The following AKAP13 variants were observed in gnomAD, a reference collection of about 807,000 sequenced individuals.
The protein encoded by AKAP13 is A-kinase anchoring protein 13, also known as A-kinase anchor protein 13.
In AKAP13, 80 loss-of-function variants were observed where a neutral mutation model predicts 264.5. The ratio of observed to expected loss-of-function variants is 0.30; its 90% CI spans 0.25 to 0.36. The LOEUF is 0.36. AKAP13 is among the 10% of genes least tolerant of loss of function. The pLI is 1.00. For synonymous variants in AKAP13, 1,380 were observed against 1,250.2 expected, an observed-to-expected ratio of 1.10 and a Z score of -2.19; for missense variants, 3,712 against 3,435.2, an observed-to-expected ratio of 1.08 and a Z score of -2.01.
chr15:85,503,036 A>G (rs996656567), intron 2 of AKAP13, among the ~76,000 whole-genome samples: 2 of 152,154 alleles, frequency 1.3e-5, no homozygotes, highest in Non-Finnish European at 2.9e-5. Context: ...TTGGGAATGG[A>G]TGGGAACATT....
intron 1 of AKAP13, among the ~76,000 whole-genome samples, chr15:85,484,913 T>G (rs2075483547): frequency 6.6e-6 from 1 of 152,168 alleles, no homozygotes; most frequent in African/African-American, 2.4e-5. Context: ...AGAAACTTCC[T>G]CAGATCAAAT....
At chr15:85,438,444 C>T (rs914229005) in intron 1 of AKAP13, among the ~76,000 whole-genome samples, 20 of 151,626 alleles carry the variant, frequency 1.3e-4, no homozygotes, top group African/African-American at 4.9e-4. Context: ...CAATGACTTT[C>T]TTCACAGAAT....
intron 1 of AKAP13, among the ~76,000 whole-genome samples, chr15:85,466,993 C>T (rs762070043): frequency 3.3e-5 from 5 of 151,766 alleles, no homozygotes; most frequent in Middle Eastern, 6.8e-3. Flanking sequence ...ACCATTATAT[C>T]CTAGGTTTGT....
chr15:85,538,434 A>G (rs1420445657), intron 4 of AKAP13, among the ~76,000 whole-genome samples: 1 of 152,054 alleles, frequency 6.6e-6, no homozygotes, highest in Admixed American at 6.5e-5. Context: ...CGCCCACCAT[A>G]ATCATTTGAT....
intron 8 of AKAP13, among the ~76,000 whole-genome samples, chr15:85,614,124 GT>G (rs1265943969): frequency 1.3e-5 from 2 of 152,170 alleles, no homozygotes; most frequent in Non-Finnish European, 2.9e-5. Context: ...TGTGCACCAT[GT>G]CAGAGGATTT....
At chr15:85,442,497 ATT>A (rs2150959281) in intron 1 of AKAP13, among the ~76,000 whole-genome samples, 2 of 107,570 alleles carry the variant, frequency 1.9e-5, no homozygotes, top group African/African-American at 7.5e-5. Flanking sequence ...TATAATATAT[ATT>A]ATATTATATA....
intron 2 of AKAP13, among the ~76,000 whole-genome samples, chr15:85,515,196 T>G (rs1721199120): frequency 7.2e-6 from 1 of 138,488 alleles, no homozygotes; most frequent in Non-Finnish European, 1.5e-5. Context: ...GAGCAGATAT[T>G]TCTTGGAAAC....
chr15:85,463,788 G>A (rs1296124253), intron 1 of AKAP13, among the ~76,000 whole-genome samples: 1 of 151,908 alleles, frequency 6.6e-6, no homozygotes, highest in Admixed American at 6.6e-5. Flanking sequence ...TACTGGGGAG[G>A]CTTTTGTTGG....
At chr15:85,494,655 A>G (rs2151077675) in intron 2 of AKAP13, among the ~76,000 whole-genome samples, 1 of 152,270 alleles carries the variant, frequency 6.6e-6, no homozygotes, top group East Asian at 1.9e-4. Flanking sequence ...CTTCCGGAAG[A>G]GTGAGGATAT....
chr15:85,685,005 T>G (rs1272092207), intron 16 of AKAP13, 132 bp downstream of exon 16: 29 of 1,166,076 alleles, frequency 2.5e-5, no homozygotes, highest in Non-Finnish European at 3.4e-5. Context: ...CGAAATCGCC[T>G]AATATTTAAA....
chr15:85,597,228 G>A (rs1342194005), intron 8 of AKAP13, among the ~76,000 whole-genome samples: 1 of 152,164 alleles, frequency 6.6e-6, no homozygotes, highest in Non-Finnish European at 1.5e-5. Context: ...CATGAGGCTT[G>A]TGCCCTTTAA....
intron 17 of AKAP13, among the ~76,000 whole-genome samples, chr15:85,701,433 G>GT (rs1236464592): frequency 7.9e-5 from 12 of 151,700 alleles, no homozygotes; most frequent in South Asian, 4.2e-4. Context: ...ATATTTGAGG[G>GT]GTTTTTTTTG....
intron 4 of AKAP13, chr15:85,534,161 T>A (rs985606723): frequency 1.2e-5 from 5 of 423,334 alleles, no homozygotes; most frequent in Admixed American, 7.9e-5. Context: ...CTCTCAAGTG[T>A]AGAAAGTGAC....
intron 5 of AKAP13, among the ~76,000 whole-genome samples, chr15:85,552,171 G>A (rs1043047397): frequency 6.6e-6 from 1 of 152,212 alleles, no homozygotes; most frequent in Non-Finnish European, 1.5e-5. Context: ...TGCCTGTTCT[G>A]TTTTGAAAGT....
rs191335167 is a variant in AKAP13, at chr15:85,477,688, A to G, written c.-11-8022A>G. The stretch of plus-strand genomic sequence containing the variant: ...GAGCTTTGTTGATACCACTGCCATT[A>G]TAGGGCCATGATTTCTTTTTTCCCC... On this transcript the variant is annotated intron_variant, in intron 1 of 36. Coordinates refer to ENST00000394518, the MANE Select transcript of AKAP13 (RefSeq NM_007200.5). 3.5e-3 allele frequency among the ~76,000 whole-genome samples: 515 copies of G among 148,862 alleles called. 5 individuals carry two copies. The highest frequency in any genetic ancestry group is 5.1e-3 in the Non-Finnish European group (343 of 67,480).
Position 85,564,863 on chromosome 15 carries a change from A to G in AKAP13, c.663-10268A>G, listed in dbSNP as rs553138261. On this transcript the variant is annotated intron_variant, in intron 5 of 36. Coordinates refer to ENST00000394518, the MANE Select transcript of AKAP13 (RefSeq NM_007200.5). ...GTGGTGGAGATCAGCAGGTCAGGAGATACACGGTCCTGGTTCTCAATGGGG... is the reference window on the plus strand; with the variant it reads ...GTGGTGGAGATCAGCAGGTCAGGAGGTACACGGTCCTGGTTCTCAATGGGG... Among the ~76,000 whole-genome samples the G allele has an allele frequency of 2.6e-5, 4 of 152,176 alleles. 1 individual carries two copies. In the South Asian group the frequency reaches 8.3e-4, roughly 32 times the overall value.
intron 1 of AKAP13, among the ~76,000 whole-genome samples, chr15:85,466,717 C>CT (rs1375807516): frequency 9.2e-5 from 14 of 152,248 alleles, no homozygotes; most frequent in African/African-American, 3.4e-4. Context: ...GCACACAGTA[C>CT]TTTTTATTGG....
rs1313187436 is a variant in AKAP13 at position 85,613,691 on chromosome 15, A to AAAT, written c.4162-25682_4162-25681insATA. 4.3e-5 allele frequency among the ~76,000 whole-genome samples: 4 copies of AAAT among 91,968 alleles called. 1 individual carries two copies. The highest frequency in any genetic ancestry group is 3.3e-4 in the East Asian group (1 of 3,074). 60.3% of individuals were successfully genotyped at this position (91,968 alleles called of 152,430 possible). A position where few individuals can be genotyped will look rare whatever the true frequency, so the allele number is the denominator to read the frequency against. On this transcript the variant is annotated intron_variant, in intron 8 of 36. Coordinates refer to ENST00000394518, the MANE Select transcript of AKAP13 (RefSeq NM_007200.5). ...GCCAGACTCCGTCTAAAAAAAAAAA[A>AAAT]ATATATATATATATATATATATTAG...
At chr15:85,680,335 A>G (rs1311150093) in intron 14 of AKAP13, among the ~76,000 whole-genome samples, 2 of 152,206 alleles carry the variant, frequency 1.3e-5, no homozygotes, top group Admixed American at 6.5e-5. Context: ...CTAATGCATC[A>G]TAAGATTAAA....
Sources: allele counts gnomAD v4.1 joint callset (sites outside exome capture counted in the v4.1 genomes callset), GRCh38; gene constraint gnomAD v4.1.1; transcripts MANE v1.5; gene names NCBI Gene and HGNC (gene_info 2026-07-23, HGNC 2026-07-21).